Variants in ERC1 observed in about 807,000 individuals in gnomAD.
ERC1 encodes the protein RAB6 interacting protein 2.
In ERC1, 56 loss-of-function variants were observed where a neutral mutation model predicts 132.0. The ratio of observed to expected loss-of-function variants is 0.42; its 90% CI spans 0.34 to 0.53. The LOEUF is 0.53. ERC1 is among the 20% of genes least tolerant of loss of function. The pLI is 0.03. For synonymous variants in ERC1, 478 were observed against 476.1 expected, an observed-to-expected ratio of 1.00 and a Z score of -0.05; for missense variants, 1,202 against 1,349.9, an observed-to-expected ratio of 0.89 and a Z score of 1.72.
chr12:1,094,927 A>C (rs1329194211), intron 3 of ERC1, among the ~76,000 whole-genome samples: 1 of 152,158 alleles, frequency 6.6e-6, no homozygotes, highest in African/African-American at 2.4e-5. Context: ...AGTATGATAA[A>C]TTCAGAAATT....
chr12:1,135,491 C>T (rs994304887), intron 7 of ERC1, among the ~76,000 whole-genome samples: 66 of 152,222 alleles, frequency 4.3e-4, no homozygotes, highest in African/African-American at 1.6e-3. Flanking sequence ...TGAATAGTAT[C>T]CTCCATAAAT....
intron 6 of ERC1, among the ~76,000 whole-genome samples, chr12:1,113,913 G>A (rs1245332657): frequency 2.6e-5 from 4 of 152,184 alleles, no homozygotes; most frequent in Non-Finnish European, 4.4e-5. Flanking sequence ...TGTCTGCAAA[G>A]CCTTGTGCTC....
intron 13 of ERC1, chr12:1,244,764 C>A: frequency 3.5e-6 from 1 of 285,668 alleles, no homozygotes; most frequent in Non-Finnish European, 7.1e-6. Flanking sequence ...TGTGATCTGC[C>A]TGCCTCGGCC....
chr12:1,271,090 C>A (rs56742512), intron 14 of ERC1, among the ~76,000 whole-genome samples: 62,394 of 151,828 alleles, frequency 0.41, 13,345 homozygotes, highest in African/African-American at 0.52. Context: ...CGACGTAAAA[C>A]ATTTATATAT....
chr12:1,060,611 CT>C (rs1288047479), intron 2 of ERC1, among the ~76,000 whole-genome samples: 2 of 152,090 alleles, frequency 1.3e-5, no homozygotes, highest in Non-Finnish European at 2.9e-5. Flanking sequence ...GCGGAAACCC[CT>C]GATAAACCCA....
intron 15 of ERC1, among the ~76,000 whole-genome samples, chr12:1,325,828 G>A (rs1001738458): frequency 1.1e-4 from 17 of 152,000 alleles, no homozygotes; most frequent in African/African-American, 2.7e-4. Flanking sequence ...ATATGCACCC[G>A]TTTGTCTATT....
chr12:994,122 T>A (rs1960288413), intron 1 of ERC1, among the ~76,000 whole-genome samples: 2 of 143,574 alleles, frequency 1.4e-5, no homozygotes, highest in Non-Finnish European at 3.0e-5. Flanking sequence ...CAACAGCTGC[T>A]CGGTTTTACA....
intron 8 of ERC1, among the ~76,000 whole-genome samples, chr12:1,178,171 C>T (rs1370084740): frequency 6.6e-6 from 1 of 152,072 alleles, no homozygotes; most frequent in Non-Finnish European, 1.5e-5. Flanking sequence ...TTCTGCCTGT[C>T]GAGTTCTTCT....
At chr12:1,306,042 G>A (rs903804057) in intron 15 of ERC1, among the ~76,000 whole-genome samples, 1 of 151,978 alleles carries the variant, frequency 6.6e-6, no homozygotes, top group Non-Finnish European at 1.5e-5. Flanking sequence ...TAAAACTTCT[G>A]CCTTTACCCA....
intron 15 of ERC1, among the ~76,000 whole-genome samples, chr12:1,367,234 A>T (rs559937559): frequency 6.6e-6 from 1 of 152,224 alleles, no homozygotes; most frequent in Non-Finnish European, 1.5e-5. Context: ...TAGATTTCAG[A>T]TTTATCTTAA....
intron 14 of ERC1, among the ~76,000 whole-genome samples, chr12:1,270,439 C>T (rs1366375292): frequency 6.6e-6 from 1 of 152,094 alleles, no homozygotes; most frequent in Admixed American, 6.5e-5. Flanking sequence ...CAATCCTGAC[C>T]TCAGGTGACC....
intron 3 of ERC1, among the ~76,000 whole-genome samples, chr12:1,098,645 T>C (rs774320583): frequency 1.3e-5 from 2 of 152,216 alleles, no homozygotes. Context: ...TGGGTGAGAT[T>C]GAAGAAGAGG....
chr12:1,069,131 C>T (rs1333410366), intron 2 of ERC1, among the ~76,000 whole-genome samples: 1 of 152,078 alleles, frequency 6.6e-6, no homozygotes, highest in Non-Finnish European at 1.5e-5. Flanking sequence ...TACCTCTATT[C>T]CTTATTGATG....
At position 1,196,204 on chromosome 12, in the gene ERC1, A is replaced by G. The variant is rs569673679; in HGVS notation, c.2351+6152A>G. ...ATCAGCCCACTCAGGTGTCAGTCCTACTTTTCTTTTGTTGTAGTCCTCTTT... is the reference window on the plus strand; with the variant it reads ...ATCAGCCCACTCAGGTGTCAGTCCTGCTTTTCTTTTGTTGTAGTCCTCTTT... On this transcript the variant is annotated intron_variant, in intron 12 of 18. Transcript: ENST00000360905. 3.3e-3 allele frequency among the ~76,000 whole-genome samples: 501 copies of G among 152,194 alleles called. 3 individuals carry two copies. The highest frequency in any genetic ancestry group is 6.2e-3 in the Admixed American group (95 of 15,276).
At chr12:1,481,021 T>C in intron 18 of ERC1, 1 of 610,594 alleles carries the variant, frequency 1.6e-6, no homozygotes, top group South Asian at 1.9e-5. Flanking sequence ...CTTCTATACA[T>C]ATATACCTGA....
intron 15 of ERC1, 134 bp from the exon 16 acceptor site, chr12:1,371,699 G>T: frequency 8.4e-7 from 1 of 1,194,452 alleles, no homozygotes; most frequent in Non-Finnish European, 1.1e-6. Flanking sequence ...AGAATTGTTG[G>T]AAGGGGTGAA....
chr12:1,206,452 G>A (rs1957357812), intron 12 of ERC1, among the ~76,000 whole-genome samples: 1 of 151,924 alleles, frequency 6.6e-6, no homozygotes, highest in African/African-American at 2.4e-5. Flanking sequence ...TTTTGCAGAG[G>A]TTTATTTTTA....
At chr12:1,405,441 C>T (rs561127238) in intron 16 of ERC1, among the ~76,000 whole-genome samples, 5 of 151,850 alleles carry the variant, frequency 3.3e-5, no homozygotes, top group East Asian at 2.0e-4. Flanking sequence ...CAGTTGCTCA[C>T]GCCTGTAATC....
At chr12:1,179,397 C>T (rs1954105070) in intron 8 of ERC1, among the ~76,000 whole-genome samples, 1 of 152,000 alleles carries the variant, frequency 6.6e-6, no homozygotes, top group Non-Finnish European at 1.5e-5. Flanking sequence ...AATCTGTGCT[C>T]CTTAGGTTGG....
Sources: gnomAD v4.1 joint callset for allele counts (sites outside exome capture counted in the v4.1 genomes callset) on GRCh38, gnomAD v4.1.1 for gene constraint, MANE v1.5 for transcripts, NCBI Gene and HGNC (gene_info 2026-07-23, HGNC 2026-07-21) for gene names.